TEC: variants seen among roughly 807,000 people sequenced by gnomAD.
TEC encodes tyrosine-protein kinase Tec.
Under a neutral mutation model 93.0 loss-of-function variants are expected in TEC, and 72 were observed. The ratio of observed to expected loss-of-function variants is 0.77; its 90% CI spans 0.64 to 0.94. TEC has a LOEUF of 0.94. Ranked by LOEUF, TEC falls within the 40% of genes least tolerant of loss-of-function variation. The pLI, the probability that TEC is intolerant of heterozygous loss-of-function variation, is 0.00. For synonymous variants in TEC, 249 were observed against 247.7 expected (o/e 1.01, Z -0.05); for missense variants, 630 against 757.9 (o/e 0.83, Z 1.98).
chr4:48,247,781 C>T (rs920017711), intron 1 of TEC, among the ~76,000 whole-genome samples: 6 of 152,054 alleles, frequency 3.9e-5, no homozygotes, highest in African/African-American at 9.7e-5. Flanking sequence ...TAGATAGTGG[C>T]GATGACGCAT....
At chr4:48,151,539 T>G (rs1577702162) in intron 9 of TEC, among the ~76,000 whole-genome samples, 1 of 152,146 alleles carries the variant, frequency 6.6e-6, no homozygotes, top group African/African-American at 2.4e-5. Context: ...CAGGCTGGAG[T>G]GCAGTGGTGC....
intron 3 of TEC, among the ~76,000 whole-genome samples, chr4:48,175,575 T>A (rs7654108): frequency 6.6e-6 from 1 of 151,690 alleles, no homozygotes; most frequent in Non-Finnish European, 1.5e-5. Context: ...CCTCCTCTTC[T>A]GGAGAGGAGA....
chr4:48,146,119 C>G (rs1719895818), intron 12 of TEC, among the ~76,000 whole-genome samples: 1 of 152,086 alleles, frequency 6.6e-6, no homozygotes, highest in South Asian at 2.1e-4. Context: ...TTTTCACTGA[C>G]AGAAAGTTTT....
chr4:48,208,279 C>T (rs938343109), intron 2 of TEC, among the ~76,000 whole-genome samples: 1 of 152,142 alleles, frequency 6.6e-6, no homozygotes, highest in Non-Finnish European at 1.5e-5. Context: ...AGGGTGGAAA[C>T]TGAGGGACTG....
intron 1 of TEC, among the ~76,000 whole-genome samples, chr4:48,236,071 T>G (rs1393691901): frequency 6.6e-6 from 1 of 152,122 alleles, no homozygotes; most frequent in East Asian, 1.9e-4. Context: ...TGCAATTGGA[T>G]TCAATCTCCA....
chr4:48,208,723 T>G (rs538320296), intron 2 of TEC, among the ~76,000 whole-genome samples: 12 of 152,346 alleles, frequency 7.9e-5, no homozygotes, highest in African/African-American at 2.9e-4. Flanking sequence ...GGATATTTAC[T>G]GGTATCTGTA....
chr4:48,151,876 G>A (rs1160564490), intron 9 of TEC, among the ~76,000 whole-genome samples: 1 of 152,140 alleles, frequency 6.6e-6, no homozygotes, highest in African/African-American at 2.4e-5. Context: ...AAGCACTAAA[G>A]GTCAAATCTT....
Position 48,239,145 on chromosome 4 carries a change from C to G in TEC, c.-45-10486G>C, listed in dbSNP as rs78584272. On this transcript the variant is annotated intron_variant, in intron 1 of 17. Transcript: ENST00000381501. ...TCTAATGCTTTTGAAAAAAAAAGCT[C>G]TCTTTCAAATTGTGCTGACAAACTC... Among the ~76,000 whole-genome samples, 1,106 of 152,116 alleles carry G rather than the reference C, an allele frequency of 7.3e-3. 9 individuals are homozygous for G. Among genetic ancestry groups the G allele is most frequent in the African/African-American group, 0.026 (1,065 of 41,510 alleles).
intron 2 of TEC, among the ~76,000 whole-genome samples, chr4:48,186,985 T>C (rs981021835): frequency 2.0e-5 from 3 of 152,230 alleles, no homozygotes; most frequent in African/African-American, 7.2e-5. Flanking sequence ...TTTTGTCGAA[T>C]AGAAAAGGGG....
chr4:48,261,468 A>C (rs1724494932), intron 1 of TEC, among the ~76,000 whole-genome samples: 1 of 152,220 alleles, frequency 6.6e-6, no homozygotes, highest in South Asian at 2.1e-4. Context: ...AAAAAAAGCC[A>C]GTTTCATTTT....
chr4:48,173,079 T>C (rs1025100154), intron 3 of TEC, among the ~76,000 whole-genome samples: 2 of 152,198 alleles, frequency 1.3e-5, no homozygotes, highest in Admixed American at 6.5e-5. Context: ...AGTTCTTTCT[T>C]AGTGTTAGAA....
At chr4:48,156,174 T>C (rs1720390987) in intron 9 of TEC, among the ~76,000 whole-genome samples, 1 of 152,218 alleles carries the variant, frequency 6.6e-6, no homozygotes, top group Non-Finnish European at 1.5e-5. Flanking sequence ...TTTCAAGGTG[T>C]AGCGTGTAGG....
intron 2 of TEC, among the ~76,000 whole-genome samples, chr4:48,223,244 T>C (rs1723324323): frequency 6.6e-6 from 1 of 152,194 alleles, no homozygotes; most frequent in Non-Finnish European, 1.5e-5. Context: ...GTGTTAATTC[T>C]CTTCCATCAC....
chr4:48,168,068 C>T, intron 6 of TEC, 115 bp from the exon 7 acceptor site: 2 of 881,014 alleles, frequency 2.3e-6, no homozygotes, highest in Admixed American at 5.1e-5. Flanking sequence ...TTCAAGTCTA[C>T]TTACTATAAT....
At chr4:48,213,281 T>C (rs1392557378) in intron 2 of TEC, among the ~76,000 whole-genome samples, 2 of 152,194 alleles carry the variant, frequency 1.3e-5, no homozygotes, top group Non-Finnish European at 2.9e-5. Flanking sequence ...TAACAAACAA[T>C]ATTGCACATA....
At chr4:48,231,675 T>C (rs891770740) in intron 1 of TEC, among the ~76,000 whole-genome samples, 2 of 151,866 alleles carry the variant, frequency 1.3e-5, no homozygotes, top group South Asian at 2.1e-4. Context: ...GAGAATGGCA[T>C]GAACCCAGGA....
chr4:48,268,608 C>T (rs1490353282), intron 1 of TEC, among the ~76,000 whole-genome samples: 1 of 152,172 alleles, frequency 6.6e-6, no homozygotes, highest in Non-Finnish European at 1.5e-5. Context: ...AAGCAGCTAC[C>T]AGTGTCACGA....
In TEC at chr4:48,136,367, T is replaced by C. The variant is rs1424468762; in HGVS notation, c.*1049A>G. 1 of 152,238 alleles carries C rather than the reference T, an allele frequency of 6.6e-6. No individual in the cohort carries two copies. The highest frequency in any genetic ancestry group is 1.5e-5 in the Non-Finnish European group (1 of 68,060). The allele number at this position is 152,238 out of a possible 1,614,324, so 9.4% of individuals were successfully genotyped here. A position where few individuals can be genotyped will look rare whatever the true frequency, so the allele number is the denominator to read the frequency against. On this transcript the variant is annotated 3_prime_UTR_variant, in exon 18 of 18. Coordinates refer to ENST00000381501, the MANE Select transcript of TEC (RefSeq NM_003215.3). ...CTGGCTGCTTCTCTCCGTAGCTTCC[T>C]GGATCCTCCGCCACAGCTCAGGCTG...
rs1310048496 is a variant in TEC, at chr4:48,244,805, T to C, written c.-45-16146A>G. ...CCCCTGCAACATCCTTCTTCTCAAA[T>C]ACCACACACAGGACAGAGAGATATC... On this transcript the variant is annotated intron_variant, in intron 1 of 17. Transcript: ENST00000381501. Among the ~76,000 whole-genome samples, 3 of 152,276 alleles carry C rather than the reference T, an allele frequency of 2.0e-5. No homozygotes were observed. In the East Asian group the frequency reaches 5.8e-4, roughly 29 times the overall value.
Sources: allele counts gnomAD v4.1 joint callset (sites outside exome capture counted in the v4.1 genomes callset), GRCh38; gene constraint gnomAD v4.1.1; transcripts MANE v1.5; gene names NCBI Gene and HGNC (gene_info 2026-07-23, HGNC 2026-07-21).